Variants in TRPC6 observed in about 807,000 individuals in gnomAD.
The protein encoded by TRPC6 is short transient receptor potential channel 6.
Under a neutral mutation model 90.7 loss-of-function variants are expected in TRPC6, and 55 were observed. The observed-to-expected ratio is 0.61, with a 90% confidence interval of 0.49 to 0.76. The LOEUF (loss-of-function observed/expected upper bound fraction) is 0.76, where lower values mean the gene tolerates loss of function less well. TRPC6 is among the 30% of genes least tolerant of loss of function. TRPC6 has a pLI of 0.00. For missense variants in TRPC6, 989 were observed against 1,122.7 expected, an observed-to-expected ratio of 0.88 and a Z score of 1.70; for synonymous variants, 393 against 393.0, an observed-to-expected ratio of 1.00 and a Z score of 0.00.
rs375402012 is a variant in TRPC6, at chr11:101,476,284, C to G, written c.1744+17G>C. 2.5e-6 allele frequency: 4 copies of G among 1,604,216 alleles called. No homozygotes were observed. Among genetic ancestry groups the G allele is most frequent in the Non-Finnish European group, 3.4e-6 (4 of 1,171,150 alleles). On this transcript the variant is annotated intron_variant, in intron 6 of 12. Coordinates refer to ENST00000344327, the MANE Select transcript of TRPC6 (RefSeq NM_004621.6). ...AATTCTGCATTTTTATTTATATTGACTGTACTGTAAACTCACCCAAATTGT... is the reference window on the plus strand; with the variant it reads ...AATTCTGCATTTTTATTTATATTGAGTGTACTGTAAACTCACCCAAATTGT...
intron 1 of TRPC6, among the ~76,000 whole-genome samples, chr11:101,557,170 C>T (rs538694299): frequency 9.9e-5 from 15 of 152,016 alleles, no homozygotes; most frequent in African/African-American, 2.7e-4. Flanking sequence ...GCCTGGTCAA[C>T]GTGGTGAAAC....
intron 1 of TRPC6, among the ~76,000 whole-genome samples, chr11:101,522,938 A>G (rs1319867968): frequency 6.6e-6 from 1 of 152,238 alleles, no homozygotes; most frequent in Non-Finnish European, 1.5e-5. Context: ...ACAAATAGCC[A>G]ATACCAAGAA....
intron 3 of TRPC6, among the ~76,000 whole-genome samples, chr11:101,490,532 C>G (rs981518748): frequency 5.3e-5 from 8 of 152,216 alleles, no homozygotes; most frequent in Admixed American, 2.6e-4. Flanking sequence ...TCTTGGCTCA[C>G]TGCAACCTCT....
intron 1 of TRPC6, among the ~76,000 whole-genome samples, chr11:101,553,444 G>A (rs1861494366): frequency 6.6e-6 from 1 of 151,986 alleles, no homozygotes; most frequent in Non-Finnish European, 1.5e-5. Flanking sequence ...TGAAACCATA[G>A]GCTAAATGCA....
chr11:101,479,027 G>T (rs1168271033), intron 5 of TRPC6, among the ~76,000 whole-genome samples: 1 of 152,012 alleles, frequency 6.6e-6, no homozygotes, highest in Non-Finnish European at 1.5e-5. Context: ...CACTAAATGG[G>T]GCCCTCTGAA....
chr11:101,494,121 T>C (rs1442868073), intron 2 of TRPC6, among the ~76,000 whole-genome samples: 2 of 152,296 alleles, frequency 1.3e-5, no homozygotes, highest in East Asian at 3.9e-4. Flanking sequence ...TTTTATAAAA[T>C]GGTCTGTTAG....
At chr11:101,503,777 T>A (rs562034234) in intron 2 of TRPC6, among the ~76,000 whole-genome samples, 1 of 152,248 alleles carries the variant, frequency 6.6e-6, no homozygotes, top group Non-Finnish European at 1.5e-5. Context: ...AATAATAGCT[T>A]CTCAAGGGGA....
intron 1 of TRPC6, among the ~76,000 whole-genome samples, chr11:101,580,349 T>G (rs759836255): frequency 5.3e-5 from 8 of 152,178 alleles, no homozygotes; most frequent in Admixed American, 5.2e-4. Context: ...TTCTTGCTAA[T>G]CACCATTACA....
chr11:101,463,082 A>T (rs1471257855), intron 10 of TRPC6, among the ~76,000 whole-genome samples: 3 of 152,084 alleles, frequency 2.0e-5, no homozygotes, highest in African/African-American at 7.2e-5. Context: ...GGTTTTTGTC[A>T]TTGGTTCTGT....
intron 5 of TRPC6, among the ~76,000 whole-genome samples, chr11:101,480,673 T>A (rs1591073835): frequency 6.6e-6 from 1 of 152,150 alleles, no homozygotes; most frequent in African/African-American, 2.4e-5. Flanking sequence ...AAAAGTGACA[T>A]ATAAATGCTC....
intron 2 of TRPC6, among the ~76,000 whole-genome samples, chr11:101,494,122 G>A (rs888576098): frequency 2.6e-5 from 4 of 152,076 alleles, no homozygotes; most frequent in African/African-American, 9.7e-5. Context: ...TTTATAAAAT[G>A]GTCTGTTAGG....
At chr11:101,459,599 C>T (rs1332608009) in intron 10 of TRPC6, among the ~76,000 whole-genome samples, 4 of 152,040 alleles carry the variant, frequency 2.6e-5, no homozygotes, top group Non-Finnish European at 5.9e-5. Context: ...TTTTAATTTT[C>T]CACATTTTTA....
Position 101,504,798 on chromosome 11 carries a change from G to A in TRPC6, c.171C>T (p.Phe57=). The A allele has an allele frequency of 8.7e-6, 14 of 1,611,598 alleles. No individual in the cohort carries two copies. The highest frequency in any genetic ancestry group is 1.2e-5 in the Non-Finnish European group (14 of 1,178,962). ...GAGCCAGTCTGTTGTCAGATCCCCG[G>A]CTGCAATAAAACAGAAAGATTGTAA... is the stretch of plus-strand genomic sequence containing the variant. ...PLPCYGYYPC[F]RGSDNRLAHR... Residue 57 remains phenylalanine, a splice_region_variant and synonymous_variant, in exon 2 of 13, where the codon TTC becomes TTT. Coordinates refer to ENST00000344327, the MANE Select transcript of TRPC6 (RefSeq NM_004621.6).
chr11:101,506,650 G>A (rs939553788), intron 1 of TRPC6, among the ~76,000 whole-genome samples: 2 of 151,942 alleles, frequency 1.3e-5, no homozygotes, highest in African/African-American at 2.4e-5. Flanking sequence ...GACATGAAGG[G>A]CCGATATCAA....
At chr11:101,522,825 T>G (rs549915321) in intron 1 of TRPC6, among the ~76,000 whole-genome samples, 2 of 152,360 alleles carry the variant, frequency 1.3e-5, no homozygotes, top group Admixed American at 6.5e-5. Context: ...AAGGAAATGT[T>G]AGGCATAGCT....
At position 101,493,191 on chromosome 11, in the gene TRPC6, T is replaced by C. The variant is rs150210606; in HGVS notation, c.946-1453A>G. On this transcript the variant is annotated intron_variant, in intron 2 of 12. Coordinates refer to ENST00000344327, the MANE Select transcript of TRPC6 (RefSeq NM_004621.6). ...AATCTTTTGGCTTCCCTGGGCCACA[T>C]TGGAAGAAGAATTGTCTTGGGCCAC... 3.1e-3 allele frequency among the ~76,000 whole-genome samples: 474 copies of C among 152,304 alleles called. 2 individuals carry two copies. The highest frequency in any genetic ancestry group is 0.01 in the African/African-American group (424 of 41,574).
intron 4 of TRPC6, among the ~76,000 whole-genome samples, chr11:101,487,577 C>T (rs1168673180): frequency 6.6e-6 from 1 of 151,762 alleles, no homozygotes; most frequent in Admixed American, 6.6e-5. Context: ...ATTCCACACT[C>T]CATGTCCATG....
chr11:101,582,899 G>C (rs1862230296), intron 1 of TRPC6, among the ~76,000 whole-genome samples: 1 of 151,970 alleles, frequency 6.6e-6, no homozygotes, highest in Non-Finnish European at 1.5e-5. Flanking sequence ...CCAACCCTTG[G>C]AGTTCTAGTC....
chr11:101,472,375 A>C lies in TRPC6; in HGVS notation c.2010-43T>G, dbSNP rs763694207. The C allele has an allele frequency of 1.0e-5, 16 of 1,559,254 alleles. No individual in the cohort carries two copies. The African/African-American group carries it at 2.2e-4, about 21-fold the overall frequency. ...GAAGAAAAGAAATAAGAAAGTGTAT[A>C]AATAAATAACAATATTACCATAATA... is the stretch of plus-strand genomic sequence containing the variant. On this transcript the variant is annotated intron_variant, in intron 7 of 12. Transcript: ENST00000344327.
Sources: gnomAD v4.1 joint callset for allele counts (sites outside exome capture counted in the v4.1 genomes callset) on GRCh38, gnomAD v4.1.1 for gene constraint, MANE v1.5 for transcripts, NCBI Gene and HGNC (gene_info 2026-07-23, HGNC 2026-07-21) for gene names.